The following TENM2 variants were observed in gnomAD, a reference collection of about 807,000 sequenced individuals.
TENM2 encodes the protein teneurin-2.
TENM2 carries 52 observed loss-of-function variants against 245.2 expected under a neutral mutation model. That is an observed-to-expected ratio of 0.21 (90% CI 0.17 to 0.27). The LOEUF is 0.27. TENM2 is among the 10% of genes least tolerant of loss of function. The probability of loss-of-function intolerance (pLI) is 1.00; values close to 1 mark genes in which losing one functional copy is unlikely to be tolerated. For synonymous variants in TENM2, 1,363 were observed against 1,438.9 expected, an observed-to-expected ratio of 0.95 and a Z score of 1.19; for missense variants, 3,046 against 3,666.8, an observed-to-expected ratio of 0.83 and a Z score of 4.37.
intron 2 of TENM2, among the ~76,000 whole-genome samples, chr5:167,702,305 A>T (rs937947014): frequency 6.6e-6 from 1 of 152,220 alleles, no homozygotes; most frequent in East Asian, 1.9e-4. Flanking sequence ...ACACAAGGTA[A>T]TGAAGGATAG....
chr5:167,597,602 G>T (rs972616035), intron 2 of TENM2, among the ~76,000 whole-genome samples: 30 of 152,198 alleles, frequency 2.0e-4, no homozygotes, highest in Non-Finnish European at 8.8e-5. Flanking sequence ...AGTCAGGGTG[G>T]TGGGGAGCAG....
the TENM2 span, among the ~76,000 whole-genome samples, chr5:167,227,853 C>G: frequency 1.3e-5 from 2 of 152,014 alleles, no homozygotes; most frequent in African/African-American, 4.8e-5. Flanking sequence ...TTTTCCAACC[C>G]TTTCATTCTC....
the TENM2 span, among the ~76,000 whole-genome samples, chr5:167,238,796 A>G: frequency 6.6e-6 from 1 of 152,162 alleles, no homozygotes; most frequent in South Asian, 2.1e-4. Flanking sequence ...GAAATAGTCA[A>G]TTTGTATGAT....
At chr5:168,017,729 G>T (rs1785783579) in intron 5 of TENM2, among the ~76,000 whole-genome samples, 1 of 152,184 alleles carries the variant, frequency 6.6e-6, no homozygotes, top group Non-Finnish European at 1.5e-5. Context: ...TGAGAATAAA[G>T]GGGCTTCATT....
At chr5:167,987,939 T>G (rs1783375745) in intron 4 of TENM2, among the ~76,000 whole-genome samples, 1 of 152,188 alleles carries the variant, frequency 6.6e-6, no homozygotes, top group Non-Finnish European at 1.5e-5. Context: ...TTTAATCATT[T>G]TAAACCCCAG....
chr5:168,255,398 T>C (rs937572517), intron 27 of TENM2, among the ~76,000 whole-genome samples: 1 of 152,014 alleles, frequency 6.6e-6, no homozygotes, highest in Non-Finnish European at 1.5e-5. Flanking sequence ...ACCTCCTGGT[T>C]TCAAGCAATT....
intron 2 of TENM2, among the ~76,000 whole-genome samples, chr5:167,513,090 T>C (rs748113367): frequency 1.3e-5 from 2 of 152,182 alleles, no homozygotes; most frequent in Non-Finnish European, 2.9e-5. Flanking sequence ...TTCATAGACA[T>C]GAGATAAAAT....
chr5:167,057,611 T>C, the TENM2 span, among the ~76,000 whole-genome samples: 9 of 152,270 alleles, frequency 5.9e-5, no homozygotes, highest in African/African-American at 2.2e-4. Flanking sequence ...AAAGTTGGTA[T>C]TTTCCCTTTC....
chr5:167,188,721 G>C, the TENM2 span, among the ~76,000 whole-genome samples: 7 of 152,104 alleles, frequency 4.6e-5, no homozygotes, highest in Non-Finnish European at 1.0e-4. Flanking sequence ...GGAGTCTTTA[G>C]GTGGTAACAA....
chr5:167,298,546 G>A (rs992374406), intron 1 of TENM2, among the ~76,000 whole-genome samples: 11 of 152,250 alleles, frequency 7.2e-5, no homozygotes, highest in Non-Finnish European at 8.8e-5. Flanking sequence ...GGAGCCTGCA[G>A]TGAGCCGAGA....
At chr5:167,364,237 G>C (rs767288286) in intron 1 of TENM2, among the ~76,000 whole-genome samples, 19 of 152,150 alleles carry the variant, frequency 1.2e-4, no homozygotes, top group Middle Eastern at 3.4e-3. Flanking sequence ...TATCAAGTAA[G>C]ATTAGAATGC....
At chr5:167,552,217 T>C (rs924448147) in intron 2 of TENM2, among the ~76,000 whole-genome samples, 91 of 152,202 alleles carry the variant, frequency 6.0e-4, no homozygotes, top group Non-Finnish European at 2.9e-5. Flanking sequence ...GCTGTGTTAT[T>C]AATCAGAACT....
At chr5:167,705,962 G>A (rs1256333954) in intron 2 of TENM2, among the ~76,000 whole-genome samples, 1 of 95,680 alleles carries the variant, frequency 1.0e-5, no homozygotes, top group Non-Finnish European at 1.9e-5. Flanking sequence ...TTTCAAGGCT[G>A]GGTTATATAT....
the TENM2 span, among the ~76,000 whole-genome samples, chr5:167,199,770 A>G: frequency 2.1e-4 from 32 of 152,238 alleles, no homozygotes; most frequent in African/African-American, 7.2e-4. Flanking sequence ...TCCTTAGGTC[A>G]TAATTCGAGC....
intron 4 of TENM2, among the ~76,000 whole-genome samples, chr5:167,968,739 C>G (rs1393726966): frequency 1.3e-5 from 2 of 152,144 alleles, no homozygotes; most frequent in Admixed American, 6.5e-5. Context: ...ATCCTCTCCA[C>G]TATACTTGGG....
At chr5:167,791,258 C>A (rs1764937241) in intron 2 of TENM2, among the ~76,000 whole-genome samples, 1 of 151,606 alleles carries the variant, frequency 6.6e-6, no homozygotes, top group African/African-American at 2.4e-5. Context: ...CTCCTAGAAA[C>A]AGAAACTATT....
intron 1 of TENM2, among the ~76,000 whole-genome samples, chr5:167,371,003 T>C (rs943097637): frequency 7.9e-5 from 12 of 152,196 alleles, no homozygotes; most frequent in Non-Finnish European, 1.5e-4. Context: ...TGAGCTAGTA[T>C]TAAAAATGCT....
At chr5:167,443,044 T>C (rs928958006) in intron 2 of TENM2, among the ~76,000 whole-genome samples, 1 of 152,198 alleles carries the variant, frequency 6.6e-6, no homozygotes, top group Non-Finnish European at 1.5e-5. Flanking sequence ...AGTTTGCCAA[T>C]GCACAAAAGG....
At chr5:167,579,594 C>T (rs1437863857) in intron 2 of TENM2, among the ~76,000 whole-genome samples, 1 of 152,220 alleles carries the variant, frequency 6.6e-6, no homozygotes, top group Non-Finnish European at 1.5e-5. Context: ...GTGGTCACTG[C>T]AGTTCCTTTA....
Sources: gnomAD v4.1 joint callset for allele counts (sites outside exome capture counted in the v4.1 genomes callset) on GRCh38, gnomAD v4.1.1 for gene constraint, MANE v1.5 for transcripts, NCBI Gene and HGNC (gene_info 2026-07-23, HGNC 2026-07-21) for gene names.